CCDC192: variants seen among roughly 807,000 people sequenced by gnomAD.
The protein encoded by CCDC192 is coiled-coil domain-containing protein 192.
intron 3 of CCDC192, among the ~76,000 whole-genome samples, chr5:127,773,685 G>A (rs1306420088): frequency 6.6e-6 from 1 of 152,130 alleles, no homozygotes; most frequent in Non-Finnish European, 1.5e-5. Flanking sequence ...ATCTGTTGAT[G>A]GACATTTGGT....
At chr5:127,789,781 G>A (rs1164409589) in intron 3 of CCDC192, among the ~76,000 whole-genome samples, 4 of 152,228 alleles carry the variant, frequency 2.6e-5, no homozygotes, top group East Asian at 1.9e-4. Flanking sequence ...GAAGATGGGG[G>A]AAATGGCCCC....
intron 2 of CCDC192, among the ~76,000 whole-genome samples, chr5:127,727,106 C>A (rs1342961849): frequency 6.6e-6 from 1 of 152,130 alleles, no homozygotes. Flanking sequence ...GTGGGAGGGA[C>A]CCTGACAAAT....
intron 5 of CCDC192, among the ~76,000 whole-genome samples, chr5:127,819,882 A>C (rs1749204299): frequency 6.6e-6 from 1 of 152,200 alleles, no homozygotes; most frequent in Non-Finnish European, 1.5e-5. Flanking sequence ...ATGGTCTATA[A>C]GGTGCTTGCA....
At chr5:127,826,445 A>G (rs1749537605) in intron 5 of CCDC192, among the ~76,000 whole-genome samples, 1 of 152,016 alleles carries the variant, frequency 6.6e-6, no homozygotes, top group South Asian at 2.1e-4. Flanking sequence ...ATACACATCC[A>G]AAAGAAAACC....
intron 5 of CCDC192, among the ~76,000 whole-genome samples, chr5:127,872,898 A>G (rs981444608): frequency 7.2e-5 from 11 of 152,236 alleles, no homozygotes; most frequent in African/African-American, 2.7e-4. Flanking sequence ...ATACAAATAT[A>G]TAATAGTAAG....
intron 6 of CCDC192, among the ~76,000 whole-genome samples, chr5:127,918,785 T>G (rs2176831): frequency 0.34 from 51,522 of 151,914 alleles, 12,045 homozygotes; most frequent in African/African-American, 0.67. Context: ...GCTTATACGT[T>G]TGTCTGTATA....
chr5:127,919,238 G>GT (rs1374402856), intron 6 of CCDC192, among the ~76,000 whole-genome samples: 1 of 151,980 alleles, frequency 6.6e-6, no homozygotes, highest in Non-Finnish European at 1.5e-5. Flanking sequence ...CTTTCACCTG[G>GT]TTCCCATGAC....
At chr5:127,910,402 T>A (rs1309820643) in intron 6 of CCDC192, among the ~76,000 whole-genome samples, 1 of 152,188 alleles carries the variant, frequency 6.6e-6, no homozygotes, top group Non-Finnish European at 1.5e-5. Flanking sequence ...CAGATCCAGA[T>A]AAAACCAATG....
intron 2 of CCDC192, among the ~76,000 whole-genome samples, chr5:127,752,984 G>C (rs1274122262): frequency 6.6e-6 from 1 of 152,140 alleles, no homozygotes; most frequent in Non-Finnish European, 1.5e-5. Flanking sequence ...GCGTCGGTGT[G>C]CGCACCCACT....
At position 127,850,998 on chromosome 5, in the gene CCDC192, A is replaced by G. The variant is rs6878899; in HGVS notation, c.412-24540A>G. Reference sequence around the variant, plus strand: ...AACAACAACAACAAACAAACAAAGCATCAGAAGCAGAGGTTGCAGAAGCAA... The same window carrying G: ...AACAACAACAACAAACAAACAAAGCGTCAGAAGCAGAGGTTGCAGAAGCAA... On this transcript the variant is annotated intron_variant, in intron 5 of 6. Coordinates refer to ENST00000514853, the MANE Select transcript of CCDC192 (RefSeq NM_001317938.2). 2.4e-3 allele frequency among the ~76,000 whole-genome samples: 363 copies of G among 152,188 alleles called. 1 individual carries two copies. The highest frequency in any genetic ancestry group is 8.0e-3 in the African/African-American group (333 of 41,540).
intron 3 of CCDC192, among the ~76,000 whole-genome samples, chr5:127,776,753 T>G (rs911733207): frequency 2.0e-5 from 3 of 152,184 alleles, no homozygotes; most frequent in African/African-American, 7.2e-5. Context: ...GCCACTCCAG[T>G]CATGGCTAAA....
intron 2 of CCDC192, among the ~76,000 whole-genome samples, chr5:127,752,169 C>T (rs1441466840): frequency 6.6e-6 from 1 of 152,206 alleles, no homozygotes; most frequent in African/African-American, 2.4e-5. Context: ...GAGCTGCATT[C>T]CTTTGGAGGA....
intron 2 of CCDC192, among the ~76,000 whole-genome samples, chr5:127,743,275 C>T (rs1470374307): frequency 6.6e-6 from 1 of 152,086 alleles, no homozygotes; most frequent in Non-Finnish European, 1.5e-5. Flanking sequence ...CTCTTCAGGT[C>T]AAGATAAGGC....
At chr5:127,805,906 G>C (rs1235213071) in intron 5 of CCDC192, among the ~76,000 whole-genome samples, 1 of 152,062 alleles carries the variant, frequency 6.6e-6, no homozygotes, top group African/African-American at 2.4e-5. Context: ...TAGAAGAATA[G>C]CAGAAGCTTT....
chr5:127,900,857 A>G (rs1031714762), intron 6 of CCDC192, among the ~76,000 whole-genome samples: 2 of 152,192 alleles, frequency 1.3e-5, no homozygotes, highest in African/African-American at 4.8e-5. Context: ...AAACGTTGCT[A>G]TGTTCTATCA....
At chr5:127,854,820 A>G (rs1434038628) in intron 5 of CCDC192, among the ~76,000 whole-genome samples, 1 of 152,198 alleles carries the variant, frequency 6.6e-6, no homozygotes, top group East Asian at 1.9e-4. Flanking sequence ...CTATTCTATC[A>G]TTTATTAAGT....
chr5:127,737,740 C>G lies in CCDC192; in HGVS notation c.115-16528C>G, dbSNP rs2126831623. 2.0e-5 allele frequency among the ~76,000 whole-genome samples: 3 copies of G among 151,722 alleles called. No individual in the cohort carries two copies. The South Asian group carries it at 6.3e-4, about 32-fold the overall frequency. On this transcript the variant is annotated intron_variant, in intron 2 of 6. Transcript: ENST00000514853. Reference sequence around the variant, plus strand: ...GGTTTAAAGTCTGTTTTATCAGAGACTAGGTTTGCAACCCCTGCCTTTTTT... The same window carrying G: ...GGTTTAAAGTCTGTTTTATCAGAGAGTAGGTTTGCAACCCCTGCCTTTTTT...
At chr5:127,917,968 C>T (rs759849618) in intron 6 of CCDC192, among the ~76,000 whole-genome samples, 1 of 151,826 alleles carries the variant, frequency 6.6e-6, no homozygotes, top group African/African-American at 2.4e-5. Flanking sequence ...AGTGAGACCT[C>T]GTCTCTACAA....
At chr5:127,934,167 A>G (rs920957847) in intron 6 of CCDC192, among the ~76,000 whole-genome samples, 11 of 141,788 alleles carry the variant, frequency 7.8e-5, no homozygotes, top group African/African-American at 2.7e-4. Flanking sequence ...CCCTTCCATC[A>G]TGATCTCAAC....
Sources: gnomAD v4.1 joint callset for allele counts (sites outside exome capture counted in the v4.1 genomes callset) on GRCh38, gnomAD v4.1.1 for gene constraint, MANE v1.5 for transcripts, NCBI Gene and HGNC (gene_info 2026-07-23, HGNC 2026-07-21) for gene names.